The following MAPK6 variants were observed in gnomAD, a reference collection of about 807,000 sequenced individuals.
MAPK6 encodes the protein ERK-3.
MAPK6 carries 19 observed loss-of-function variants against 59.3 expected under a neutral mutation model. The ratio of observed to expected loss-of-function variants is 0.32; its 90% confidence interval spans 0.22 to 0.47. The LOEUF is 0.47. Among genes scored for constraint, MAPK6 ranks in the 20% least tolerant of loss-of-function variants. The pLI, the probability that MAPK6 is intolerant of heterozygous loss-of-function variation, is 1.00. For synonymous variants in MAPK6, 316 were observed against 290.3 expected (o/e 1.09, Z -0.90); for missense variants, 724 against 847.9 (o/e 0.85, Z 1.81).
At chr15:51,971,926 C>T (rs937762936) in intron 1 of MAPK6, 63 of 634,152 alleles carry the variant, frequency 9.9e-5, no homozygotes, top group South Asian at 6.4e-4. Context: ...GTATATAAGC[C>T]CGGCCATTTC....
chr15:52,056,799 T>C (rs1243585277), intron 3 of MAPK6: 1 of 152,148 alleles, frequency 6.6e-6, no homozygotes, highest in Non-Finnish European at 1.5e-5. Flanking sequence ...GTAGTCTCAT[T>C]CTTTTTCATT....
chr15:52,016,070 G>GCACACACACA (rs1175427042), upstream of MAPK6, among the ~76,000 whole-genome samples: 2,270 of 55,384 alleles, frequency 0.041, 117 homozygotes, highest in Admixed American at 0.059. Flanking sequence ...GCGCGCGCGC[G>GCACACACACA]CACACACACA....
At chr15:51,976,710 C>T (rs1036210447) in intron 1 of MAPK6, among the ~76,000 whole-genome samples, 1 of 151,526 alleles carries the variant, frequency 6.6e-6, no homozygotes, top group Non-Finnish European at 1.5e-5. Context: ...GTTGGGAGGC[C>T]GAGGCAGGCG....
chr15:52,061,838 ATAAAG>A (rs1412008873), intron 5 of MAPK6, among the ~76,000 whole-genome samples: 4 of 152,312 alleles, frequency 2.6e-5, no homozygotes, highest in South Asian at 4.1e-4. Context: ...AAAACATTTA[ATAAAG>A]TAATTACTGG....
At chr15:52,031,970 G>A (rs993569325) in intron 1 of MAPK6, among the ~76,000 whole-genome samples, 7 of 151,316 alleles carry the variant, frequency 4.6e-5, no homozygotes, top group African/African-American at 1.5e-4. Flanking sequence ...ACACGATCTC[G>A]GCTCACTGCA....
rs2031610765 is a variant in MAPK6 at position 52,046,956 on chromosome 15, G to C, written c.496G>C (p.Val166Leu). 1 of 1,610,728 alleles carries C rather than the reference G, an allele frequency of 6.2e-7. No individual in the cohort carries two copies. Among genetic ancestry groups the C allele is most frequent in the Non-Finnish European group, 8.5e-7 (1 of 1,178,404 alleles). Residue 166 changes from valine to leucine, a missense_variant, in exon 2 of 6, where the codon GTG becomes CTG. By Grantham distance (32) the Val-to-Leu change is conservative. Transcript: ENST00000261845. ...TCTTTTCATTAATACGGAAGACTTG[G>C]TGCTGAAGATAGGTGACTTTGGTCT... ...ANLFINTEDL[V>L]LKIGDFGLAR... is the part of the protein sequence containing the mutation.
chr15:51,989,437 T>C (rs888589338), intron 2 of MAPK6, among the ~76,000 whole-genome samples: 4 of 152,114 alleles, frequency 2.6e-5, no homozygotes, highest in Non-Finnish European at 5.9e-5. Context: ...GATTAAGACA[T>C]GGATAGCTTT....
At chr15:51,987,016 G>T (rs1307471717) in intron 2 of MAPK6, among the ~76,000 whole-genome samples, 1 of 152,114 alleles carries the variant, frequency 6.6e-6, no homozygotes, top group East Asian at 1.9e-4. Flanking sequence ...TGCAAAAAAA[G>T]TATTTACAGC....
chr15:52,012,179 C>T (rs1356522036), intron 3 of MAPK6, among the ~76,000 whole-genome samples: 1 of 152,236 alleles, frequency 6.6e-6, no homozygotes, highest in East Asian at 1.9e-4. Context: ...CACACAACAA[C>T]CCTTTAGCAA....
At chr15:52,006,387 G>A (rs2057258803) in intron 3 of MAPK6, among the ~76,000 whole-genome samples, 1 of 152,146 alleles carries the variant, frequency 6.6e-6, no homozygotes, top group Non-Finnish European at 1.5e-5. Context: ...GATTTCCTAA[G>A]AAGAAAGTTG....
chr15:52,059,265 TA>T (rs1193849583), intron 4 of MAPK6, among the ~76,000 whole-genome samples: 2 of 152,222 alleles, frequency 1.3e-5, no homozygotes, highest in Admixed American at 6.5e-5. Context: ...TCCCTGTTCA[TA>T]TCTAAATGAG....
chr15:52,001,919 A>G (rs555893692), intron 2 of MAPK6, among the ~76,000 whole-genome samples: 2 of 151,950 alleles, frequency 1.3e-5, no homozygotes, highest in Non-Finnish European at 2.9e-5. Context: ...TCCCTGTCCC[A>G]TGTGTCAGAG....
chr15:52,061,573 A>G (rs1397165648), intron 5 of MAPK6, 73 bp downstream of exon 5: 3 of 1,128,634 alleles, frequency 2.7e-6, no homozygotes, highest in Non-Finnish European at 3.9e-6. Flanking sequence ...AGTTTTTTTA[A>G]AATTATGTAT....
intron 3 of MAPK6, among the ~76,000 whole-genome samples, chr15:52,058,028 G>A (rs2032051494): frequency 6.6e-6 from 1 of 152,162 alleles, no homozygotes; most frequent in African/African-American, 2.4e-5. Context: ...TAAAGGAAAG[G>A]CAAGTGGAAT....
intron 2 of MAPK6, among the ~76,000 whole-genome samples, chr15:51,983,499 C>A (rs150048974): frequency 7.0e-6 from 1 of 143,640 alleles, no homozygotes; most frequent in African/African-American, 2.8e-5. Context: ...AAACAAAAAA[C>A]GACAACAACA....
chr15:51,976,092 C>G (rs1043098169), intron 1 of MAPK6, among the ~76,000 whole-genome samples: 3 of 151,370 alleles, frequency 2.0e-5, no homozygotes, highest in Non-Finnish European at 4.4e-5. Context: ...CGGTGAAACC[C>G]CATCTGTACT....
chr15:51,996,354 G>A (rs1310674938), intron 2 of MAPK6, among the ~76,000 whole-genome samples: 1 of 152,194 alleles, frequency 6.6e-6, no homozygotes, highest in South Asian at 2.1e-4. Context: ...CAGAGACTTT[G>A]GCTGTGTCCC....
intron 3 of MAPK6, among the ~76,000 whole-genome samples, chr15:52,055,559 AGGCTG>A (rs1444215751): frequency 6.6e-6 from 1 of 152,196 alleles, no homozygotes; most frequent in Non-Finnish European, 1.5e-5. Flanking sequence ...TCTGTCGCCT[AGGCTG>A]GAGTGCAGTT....
intron 3 of MAPK6, among the ~76,000 whole-genome samples, chr15:52,054,216 A>C (rs1418022551): frequency 1.3e-5 from 2 of 151,784 alleles, no homozygotes; most frequent in Non-Finnish European, 2.9e-5. Flanking sequence ...AAAAATACAA[A>C]AATTAGCTGG....
Sources: allele counts gnomAD v4.1 joint callset (sites outside exome capture counted in the v4.1 genomes callset), GRCh38; gene constraint gnomAD v4.1.1; transcripts MANE v1.5; gene names NCBI Gene and HGNC (gene_info 2026-07-23, HGNC 2026-07-21).